TBC1D22A: variants seen among roughly 807,000 people sequenced by gnomAD.
TBC1D22A encodes putative GTPase activator.
Under a neutral mutation model 60.2 loss-of-function variants are expected in TBC1D22A, and 38 were observed. The ratio of observed to expected loss-of-function variants is 0.63; its 90% confidence interval spans 0.49 to 0.83. The LOEUF is 0.83. TBC1D22A is among the 40% of genes least tolerant of loss of function. The pLI, the probability that TBC1D22A is intolerant of heterozygous loss-of-function variation, is 0.00. For missense variants in TBC1D22A, 628 were observed against 701.0 expected (o/e 0.90, Z 1.18); for synonymous variants, 302 against 281.7 (o/e 1.07, Z -0.72).
chr22:46,992,344 T>C (rs2074975918), intron 9 of TBC1D22A, among the ~76,000 whole-genome samples: 1 of 152,198 alleles, frequency 6.6e-6, no homozygotes, highest in Admixed American at 6.5e-5. Context: ...CATTAGAGAC[T>C]CAGCACCGAG....
chr22:47,014,904 A>G (rs1263496129), intron 10 of TBC1D22A, among the ~76,000 whole-genome samples: 2 of 152,232 alleles, frequency 1.3e-5, no homozygotes, highest in South Asian at 2.1e-4. Context: ...CCAGCTACCA[A>G]CAGAGCCTCC....
chr22:46,883,116 C>T (rs1212294679), intron 5 of TBC1D22A, among the ~76,000 whole-genome samples: 3 of 152,066 alleles, frequency 2.0e-5, no homozygotes, highest in Non-Finnish European at 4.4e-5. Flanking sequence ...ATTTCAGAAA[C>T]GTGGCACAAA....
chr22:46,787,618 T>C (rs953467626), intron 1 of TBC1D22A, among the ~76,000 whole-genome samples: 1 of 152,192 alleles, frequency 6.6e-6, no homozygotes. Flanking sequence ...AAGGTACATA[T>C]GTATGAAATG....
At chr22:47,112,772 C>T (rs1039301549) in intron 12 of TBC1D22A, among the ~76,000 whole-genome samples, 44 of 152,228 alleles carry the variant, frequency 2.9e-4, no homozygotes, top group African/African-American at 9.9e-4. Flanking sequence ...AGCATTGAGG[C>T]GGTGATTGGC....
rs1422891692 is a variant in TBC1D22A, at chr22:47,173,558, C to G, written c.1486C>G (p.Leu496Val). The part of the protein sequence containing the change: ...TAHWDDEDIS[L>V]LLAEAYRLKF... ...CCACTGGGATGATGAGGACATCAGC[C>G]TGTTGCTGGCCGAGGCCTACCGCCT... Residue 496 changes from leucine to valine, a missense_variant, in exon 13 of 13, where the codon CTG (leucine) becomes GTG (valine). Coordinates refer to ENST00000337137, the MANE Select transcript of TBC1D22A (RefSeq NM_014346.5). The G allele has an allele frequency of 1.9e-6, 3 of 1,614,054 alleles. No homozygotes were observed. Among genetic ancestry groups the G allele is most frequent in the African/African-American group, 2.7e-5 (2 of 74,948 alleles).
chr22:47,171,247 G>A (rs1411538109), intron 12 of TBC1D22A, among the ~76,000 whole-genome samples: 1 of 152,216 alleles, frequency 6.6e-6, no homozygotes, highest in Non-Finnish European at 1.5e-5. Flanking sequence ...TTGCTGGGCT[G>A]CGTTTTCTCG....
chr22:47,054,949 C>T (rs1268564893), intron 11 of TBC1D22A, among the ~76,000 whole-genome samples: 1 of 152,212 alleles, frequency 6.6e-6, no homozygotes. Context: ...GACTCACAGC[C>T]CAGGTCCAGC....
At chr22:46,889,750 C>A (rs1283423002) in intron 5 of TBC1D22A, among the ~76,000 whole-genome samples, 1 of 152,144 alleles carries the variant, frequency 6.6e-6, no homozygotes, top group Non-Finnish European at 1.5e-5. Flanking sequence ...ATGTGTAGGT[C>A]CTGAGTGACT....
At chr22:47,040,906 G>C (rs929423715) in intron 11 of TBC1D22A, among the ~76,000 whole-genome samples, 3 of 152,114 alleles carry the variant, frequency 2.0e-5, no homozygotes, top group Non-Finnish European at 2.9e-5. Context: ...TTCCAGTTTG[G>C]TGAAGGCCAC....
intron 12 of TBC1D22A, among the ~76,000 whole-genome samples, chr22:47,132,223 AGTCTTGG>A (rs2147119005): frequency 6.6e-6 from 1 of 152,020 alleles, no homozygotes; most frequent in Admixed American, 6.5e-5. Flanking sequence ...ATTCCCCCCG[AGTCTTGG>A]TCGTCAGGCC....
chr22:47,041,867 G>A (rs931148591), intron 11 of TBC1D22A, among the ~76,000 whole-genome samples: 6 of 152,244 alleles, frequency 3.9e-5, no homozygotes, highest in Admixed American at 2.0e-4. Flanking sequence ...GACAGCGGGC[G>A]TGGCCGTGTC....
chr22:46,966,357 G>A (rs569941891), intron 8 of TBC1D22A, among the ~76,000 whole-genome samples: 1 of 152,274 alleles, frequency 6.6e-6, no homozygotes, highest in African/African-American at 2.4e-5. Flanking sequence ...CGAAAGCATC[G>A]GGAGAGCCCA....
At chr22:47,032,817 C>T (rs1486873622) in intron 10 of TBC1D22A, among the ~76,000 whole-genome samples, 2 of 152,232 alleles carry the variant, frequency 1.3e-5, no homozygotes, top group Non-Finnish European at 2.9e-5. Flanking sequence ...GCAGCCCAGA[C>T]GTCCACGCAG....
chr22:46,789,255 A>G (rs2084300332), intron 1 of TBC1D22A: 1 of 282,702 alleles, frequency 3.5e-6, no homozygotes, highest in Non-Finnish European at 7.4e-6. Flanking sequence ...CTTCCCAAGT[A>G]GCTGGGATTA....
At chr22:47,016,455 G>A (rs2061914405) in intron 10 of TBC1D22A, among the ~76,000 whole-genome samples, 1 of 151,830 alleles carries the variant, frequency 6.6e-6, no homozygotes. Context: ...TAAGTGTTTT[G>A]AATACAGTCC....
intron 8 of TBC1D22A, among the ~76,000 whole-genome samples, chr22:46,954,483 C>T (rs748923755): frequency 3.9e-5 from 6 of 152,202 alleles, no homozygotes; most frequent in South Asian, 2.1e-4. Context: ...AGCACACACT[C>T]GAGCATCTTG....
intron 8 of TBC1D22A, among the ~76,000 whole-genome samples, chr22:46,971,340 G>C (rs568432726): frequency 1.1e-4 from 17 of 152,308 alleles, no homozygotes; most frequent in Middle Eastern, 6.8e-3. Flanking sequence ...GTCAAGGTCT[G>C]GGAGGCCTTA....
chr22:46,772,998 C>G (rs916229626), intron 1 of TBC1D22A, among the ~76,000 whole-genome samples: 1 of 152,228 alleles, frequency 6.6e-6, no homozygotes, highest in African/African-American at 2.4e-5. Context: ...CTCTGTTTTT[C>G]TTTCCCTGAA....
chr22:46,852,173 T>G (rs11912841), intron 4 of TBC1D22A, among the ~76,000 whole-genome samples: 21,305 of 152,214 alleles, frequency 0.14, 1,798 homozygotes, highest in African/African-American at 0.23. Context: ...ACAGTGGCCT[T>G]GTATCTGTGT....
Sources: gnomAD v4.1 joint callset for allele counts (sites outside exome capture counted in the v4.1 genomes callset) on GRCh38, gnomAD v4.1.1 for gene constraint, MANE v1.5 for transcripts, NCBI Gene and HGNC (gene_info 2026-07-23, HGNC 2026-07-21) for gene names.